RAP1GAP2: variants seen among roughly 807,000 people sequenced by gnomAD.
RAP1GAP2 encodes the protein rap1 GTPase-activating protein 2.
A neutral mutation model predicts 95.0 loss-of-function variants in RAP1GAP2; 27 were observed. The ratio of observed to expected loss-of-function variants is 0.28; its 90% CI spans 0.21 to 0.39. RAP1GAP2 has a LOEUF of 0.39. Ranked by LOEUF, RAP1GAP2 falls within the 10% of genes least tolerant of loss-of-function variation. The probability of loss-of-function intolerance (pLI) is 1.00; values close to 1 mark genes in which losing one functional copy is unlikely to be tolerated. For synonymous variants in RAP1GAP2, 373 were observed against 380.9 expected, an observed-to-expected ratio of 0.98 and a Z score of 0.24; for missense variants, 771 against 970.0, an observed-to-expected ratio of 0.79 and a Z score of 2.72.
intron 3 of RAP1GAP2, among the ~76,000 whole-genome samples, chr17:2,949,049 C>T (rs1413531092): frequency 6.6e-6 from 1 of 152,212 alleles, no homozygotes; most frequent in South Asian, 2.1e-4. Flanking sequence ...GACTTCTCTG[C>T]CTTTCTGAAG....
intron 3 of RAP1GAP2, among the ~76,000 whole-genome samples, chr17:2,926,211 A>C (rs931802143): frequency 6.6e-6 from 1 of 151,620 alleles, no homozygotes; most frequent in African/African-American, 2.4e-5. Flanking sequence ...ACTCATGGAG[A>C]CAGGAGCCAG....
intron 22 of RAP1GAP2, among the ~76,000 whole-genome samples, chr17:3,028,145 A>G (rs977043932): frequency 6.6e-6 from 1 of 151,902 alleles, no homozygotes; most frequent in African/African-American, 2.4e-5. Context: ...AAATGAAGGG[A>G]GGGGAAGAGT....
intron 3 of RAP1GAP2, among the ~76,000 whole-genome samples, chr17:2,954,942 T>A (rs991548096): frequency 2.0e-5 from 3 of 152,154 alleles, no homozygotes; most frequent in African/African-American, 7.2e-5. Context: ...GTCAGCAGTG[T>A]TGTGGCAGGT....
In RAP1GAP2 at chr17:2,904,604, G is replaced by A. The variant is rs996340482; in HGVS notation, c.81-680G>A. ...GGGGCTCAAGGGAGAATGAATCCGC[G>A]TTTCTCCCCTCCTCTTCTCACACCC... is the stretch of plus-strand genomic sequence containing the variant. On this transcript the variant is annotated intron_variant, in intron 2 of 24. Coordinates refer to ENST00000254695, the MANE Select transcript of RAP1GAP2 (RefSeq NM_015085.5). This position sits in a 1 kb window ranked among gnomAD's most constrained non-coding sequence, Gnocchi z 4.7. 6.8e-5 allele frequency among the ~76,000 whole-genome samples: 10 copies of A among 147,152 alleles called. No homozygotes were observed. Among genetic ancestry groups the A allele is most frequent in the African/African-American group, 1.7e-4 (7 of 40,446 alleles).
chr17:2,887,759 A>G (rs538354334), intron 2 of RAP1GAP2, among the ~76,000 whole-genome samples: 1 of 145,502 alleles, frequency 6.9e-6, no homozygotes, highest in Non-Finnish European at 1.5e-5. Flanking sequence ...ACTGCAACCT[A>G]TGCCTCCCGG....
intron 3 of RAP1GAP2, among the ~76,000 whole-genome samples, chr17:2,943,636 G>C (rs1009689483): frequency 2.0e-5 from 3 of 151,760 alleles, no homozygotes; most frequent in African/African-American, 7.3e-5. Context: ...GTGCACTCCA[G>C]CCTGGGTGAC....
intron 3 of RAP1GAP2, among the ~76,000 whole-genome samples, chr17:2,947,532 A>G (rs1462864016): frequency 6.6e-6 from 1 of 152,190 alleles, no homozygotes; most frequent in Non-Finnish European, 1.5e-5. Flanking sequence ...TTAGTCATTC[A>G]TCTGGCAAAT....
chr17:2,987,595 A>G (rs1385691213), intron 11 of RAP1GAP2, among the ~76,000 whole-genome samples: 1 of 152,130 alleles, frequency 6.6e-6, no homozygotes, highest in East Asian at 1.9e-4. Context: ...TCCCGACCTC[A>G]GGTGATCCGC....
intron 4 of RAP1GAP2, chr17:2,962,435 A>G (rs1255921909): frequency 2.0e-6 from 1 of 501,072 alleles, no homozygotes; most frequent in African/African-American, 2.0e-5. Context: ...CAGTGTTGGG[A>G]TTTGAACCCC....
rs2042165528 is a variant in RAP1GAP2 at position 2,905,321 on chromosome 17, C to G, written c.118C>G (p.Pro40Ala). The G allele has an allele frequency of 1.2e-6, 2 of 1,613,832 alleles. No homozygotes were observed. The highest frequency in any genetic ancestry group is 4.5e-5 in the East Asian group (2 of 44,862). ...GGCCAACAGCTCGGATGCGACCCTC[C>G]CAGACCGGCCGCTCTCCCCTCCTCT... Reference protein sequence around the residue: ...ELANSSDATLPDRPLSPPLTA... With the variant: ...ELANSSDATLADRPLSPPLTA... The change falls in exon 3 of 25, where the codon CCA becomes GCA. Residue 40 changes from proline (P) to alanine (A), a missense_variant. Physicochemically the swap from Pro to Ala is conservative, Grantham distance 27. Coordinates refer to ENST00000254695, the MANE Select transcript of RAP1GAP2 (RefSeq NM_015085.5).
Position 2,964,166 on chromosome 17 carries a change from A to AGGGAGGCTGT in RAP1GAP2, c.492+114_492+123dup, listed in dbSNP as rs1190939201. The AGGGAGGCTGT allele has an allele frequency of 9.2e-6, 9 of 974,626 alleles. 1 individual carries two copies. In the Admixed American group the frequency reaches 1.5e-4, roughly 16 times the overall value. The allele number at this position is 974,626 out of a possible 1,614,324, so 60.4% of individuals were successfully genotyped here. ...GGCGGTAGGGGATGGGGAGAGGTTG[A>AGGGAGGCTGT]GGGAGGCTGTGGGAGGCTGTGGGAG... On this transcript the variant is annotated intron_variant, in intron 7 of 24. Transcript: ENST00000254695.
intron 3 of RAP1GAP2, among the ~76,000 whole-genome samples, chr17:2,937,607 G>A (rs183486098): frequency 4.6e-5 from 7 of 152,266 alleles, no homozygotes; most frequent in African/African-American, 1.4e-4. Context: ...TTTTTCCAGG[G>A]GAAGGAGAGA....
chr17:2,796,782 C>A lies in RAP1GAP2; in HGVS notation c.44+211C>A, dbSNP rs545785867. Among the ~76,000 whole-genome samples the A allele has an allele frequency of 1.3e-5, 2 of 152,134 alleles. No homozygotes were observed. Among genetic ancestry groups the A allele is most frequent in the African/African-American group, 4.8e-5 (2 of 41,412 alleles). On this transcript the variant is annotated intron_variant, in intron 1 of 24. Coordinates refer to ENST00000254695, the MANE Select transcript of RAP1GAP2 (RefSeq NM_015085.5). This position sits in a 1 kb window ranked among gnomAD's most constrained non-coding sequence, Gnocchi z 4.7. ...ACTGTCCCTGGGCACAATCTGCTGG[C>A]GAATCCTGGAGGTCTGCGCCGGCTG...
rs1306007499 is a variant in RAP1GAP2, at chr17:2,827,084, A to G, written c.80+26534A>G. On this transcript the variant is annotated intron_variant, in intron 2 of 24. Coordinates refer to ENST00000254695, the MANE Select transcript of RAP1GAP2 (RefSeq NM_015085.5). This position sits in a 1 kb window ranked among gnomAD's most constrained non-coding sequence, Gnocchi z 4.1. The stretch of plus-strand genomic sequence containing the variant: ...AGTCCCATGGAAATGGGGGTTTCAC[A>G]TTTGGGGGATTTGCAAAGTAGTCAC... Among the ~76,000 whole-genome samples the G allele has an allele frequency of 1.3e-5, 2 of 152,202 alleles. No individual in the cohort carries two copies. The highest frequency in any genetic ancestry group is 4.8e-5 in the African/African-American group (2 of 41,464).
At chr17:2,895,161 G>A (rs1427681148) in intron 2 of RAP1GAP2, among the ~76,000 whole-genome samples, 1 of 152,220 alleles carries the variant, frequency 6.6e-6, no homozygotes, top group Non-Finnish European at 1.5e-5. Flanking sequence ...TACCATAAAA[G>A]GAAAATCAGG....
chr17:2,936,779 C>T (rs558143300), intron 3 of RAP1GAP2, among the ~76,000 whole-genome samples: 13 of 152,252 alleles, frequency 8.5e-5, no homozygotes, highest in East Asian at 1.9e-4. Flanking sequence ...GAAGTCCTCC[C>T]GGGACCCCCT....
chr17:2,928,635 G>A (rs1001959111), intron 3 of RAP1GAP2, among the ~76,000 whole-genome samples: 1 of 152,202 alleles, frequency 6.6e-6, no homozygotes, highest in Non-Finnish European at 1.5e-5. Flanking sequence ...GCTCCGGCAG[G>A]GCGAGTAAAC....
At position 2,796,514 on chromosome 17, in the gene RAP1GAP2, C is replaced by G; in HGVS notation, c.-14C>G. ...TGGGACATCGCTGGGACCCCGGGCT[C>G]TGCAGCCACAACCATGTTTGGCCGG... On this transcript the variant is annotated 5_prime_UTR_variant, in exon 1 of 25. Transcript: ENST00000254695. The surrounding 1 kb of genome is among the most constrained non-coding windows in gnomAD (Gnocchi z 4.7). 1 of 1,556,658 alleles carries G rather than the reference C, an allele frequency of 6.4e-7. No individual in the cohort carries two copies. The highest frequency in any genetic ancestry group is 8.7e-7 in the Non-Finnish European group (1 of 1,150,050).
At position 2,857,240 on chromosome 17, in the gene RAP1GAP2, A is replaced by G. The variant is rs2072180478; in HGVS notation, c.81-48044A>G. ...GATAACACTGTTGGCTCTTAGCCTT[A>G]AGGGTTGAAATGGTTGTGTGTGGCT... On this transcript the variant is annotated intron_variant, in intron 2 of 24. Transcript: ENST00000254695. This position sits in a 1 kb window ranked among gnomAD's most constrained non-coding sequence, Gnocchi z 4.0. 6.6e-6 allele frequency among the ~76,000 whole-genome samples: 1 copy of G among 152,146 alleles called. No homozygotes were observed. The highest frequency in any genetic ancestry group is 2.4e-5 in the African/African-American group (1 of 41,434).
Sources: gnomAD v4.1 joint callset for allele counts (sites outside exome capture counted in the v4.1 genomes callset) on GRCh38, gnomAD v4.1.1 for gene constraint, Gnocchi (gnomAD v3.1) non-coding constraint, MANE v1.5 for transcripts, NCBI Gene and HGNC (gene_info 2026-07-23, HGNC 2026-07-21) for gene names.